Variants in RERE observed in about 807,000 individuals in gnomAD.
RERE encodes arginine-glutamic acid dipeptide repeats.
RERE carries 40 observed loss-of-function variants against 146.1 expected under a neutral mutation model. That is an observed-to-expected ratio of 0.27 (90% CI 0.21 to 0.36). The LOEUF (loss-of-function observed/expected upper bound fraction) is 0.36, where lower values mean the gene tolerates loss of function less well. Among genes scored for constraint, RERE ranks in the 10% least tolerant of loss-of-function variants. RERE has a pLI of 1.00. For synonymous variants in RERE, 1,003 were observed against 866.0 expected (o/e 1.16, Z -2.78); for missense variants, 1,933 against 2,138.7 (o/e 0.90, Z 1.90).
chr1:8,366,927 A>AC lies in RERE; in HGVS notation c.1285-954_1285-953insG, dbSNP rs1491507134. 1.9e-3 allele frequency among the ~76,000 whole-genome samples: 268 copies of AC among 144,354 alleles called. 4 individuals carry two copies. The highest frequency in any genetic ancestry group is 4.4e-3 in the African/African-American group (166 of 37,620). The allele number at this position is 144,354 out of a possible 152,430, so 94.7% of individuals were successfully genotyped here. A position where few individuals can be genotyped will look rare whatever the true frequency, so the allele number is the denominator to read the frequency against. On this transcript the variant is annotated intron_variant, in intron 12 of 22. Coordinates refer to ENST00000400908, the MANE Select transcript of RERE (RefSeq NM_001042681.2). ...CTGAAAAAAAAAAACAAAAAAAAAA[A>AC]ACAAAAAAAAAAAACCCAAAAAACA...
intron 7 of RERE, among the ~76,000 whole-genome samples, chr1:8,524,853 C>T (rs1645550795): frequency 6.6e-6 from 1 of 152,176 alleles, no homozygotes; most frequent in African/African-American, 2.4e-5. Context: ...GGCTATCAAG[C>T]AGTGGGTACG....
intron 8 of RERE, among the ~76,000 whole-genome samples, chr1:8,501,203 A>G (rs1313886951): frequency 3.5e-5 from 4 of 114,784 alleles, no homozygotes; most frequent in Non-Finnish European, 5.5e-5. Context: ...TCCGGGAGGG[A>G]GGTGGGGGGG....
chr1:8,356,363 G>T lies in RERE; in HGVS notation c.4340-117C>A. On this transcript the variant is annotated intron_variant, in intron 20 of 22. Coordinates refer to ENST00000400908, the MANE Select transcript of RERE (RefSeq NM_001042681.2). The surrounding 1 kb of genome is among the most constrained non-coding windows in gnomAD (Gnocchi z 5.2). The stretch of plus-strand genomic sequence containing the variant: ...CCCAGGATGGCTCCTGGTCACCAGG[G>T]CTGGATGCACCACCTGGCTACAGGT... 1.7e-6 allele frequency: 2 copies of T among 1,200,020 alleles called. No individual in the cohort carries two copies. Among genetic ancestry groups the T allele is most frequent in the Non-Finnish European group, 2.2e-6 (2 of 915,364 alleles). The allele number at this position is 1,200,020 out of a possible 1,614,324, so 74.3% of individuals were successfully genotyped here.
intron 12 of RERE, among the ~76,000 whole-genome samples, chr1:8,378,126 C>T (rs1642323294): frequency 6.6e-6 from 1 of 152,192 alleles, no homozygotes. Flanking sequence ...ACTGCATTAC[C>T]TTTAATAAAA....
intron 12 of RERE, among the ~76,000 whole-genome samples, chr1:8,418,080 C>T (rs978184163): frequency 2.0e-5 from 3 of 152,200 alleles, no homozygotes; most frequent in African/African-American, 7.2e-5. Context: ...CCAAGTATGG[C>T]AGGTATGTAA....
chr1:8,490,481 T>G (rs112055740), intron 10 of RERE, among the ~76,000 whole-genome samples: 5,002 of 150,594 alleles, frequency 0.033, 159 homozygotes, highest in Non-Finnish European at 0.052. Context: ...TAAAGACTCA[T>G]ACAACAATGT....
rs142385743 is a variant in RERE, at chr1:8,679,964, T to A, written c.-144-23523A>T. On this transcript the variant is annotated intron_variant, in intron 1 of 22. Coordinates refer to ENST00000400908, the MANE Select transcript of RERE (RefSeq NM_001042681.2). Reference sequence around the variant, plus strand: ...CCTTGCACAGGGATGTTTTATAAAATTCTCTAAAATTTAAACTACACACGT... The same window carrying A: ...CCTTGCACAGGGATGTTTTATAAAAATCTCTAAAATTTAAACTACACACGT... Among the ~76,000 whole-genome samples, 502 of 152,282 alleles carry A rather than the reference T, an allele frequency of 3.3e-3. 2 individuals carry two copies. The highest frequency in any genetic ancestry group is 0.011 in the African/African-American group (475 of 41,556).
At chr1:8,577,630 T>C (rs1350418144) in intron 4 of RERE, among the ~76,000 whole-genome samples, 1 of 152,226 alleles carries the variant, frequency 6.6e-6, no homozygotes, top group Non-Finnish European at 1.5e-5. Context: ...TCACAATGTT[T>C]CTGAAAGTGA....
Position 8,361,262 on chromosome 1 carries a change from G to C in RERE, c.2245C>G (p.Pro749Ala). The C allele has an allele frequency of 6.3e-7, 1 of 1,583,868 alleles. No individual in the cohort carries two copies. The highest frequency in any genetic ancestry group is 8.6e-7 in the Non-Finnish European group (1 of 1,166,284). The change falls in exon 18 of 23, where the codon CCA becomes GCA. Residue 749 changes from proline (P) to alanine (A), a missense_variant. By Grantham distance (27) the Pro-to-Ala change is conservative (BLOSUM62 -1). Transcript: ENST00000400908. ...CCTGGAGGAGCTGAGGAGGGAGCTG[G>C]GGTGACCCCAGTGGGAGCCTGCAAG... ...PALQAPTGVT[P>A]APSSAPPGTP...
chr1:8,438,126 A>G (rs1644196063), intron 11 of RERE, among the ~76,000 whole-genome samples: 1 of 152,166 alleles, frequency 6.6e-6, no homozygotes, highest in Non-Finnish European at 1.5e-5. Context: ...GACTACAGGT[A>G]TGTGTCAGTT....
chr1:8,500,409 T>C (rs561846427), intron 8 of RERE, among the ~76,000 whole-genome samples: 13 of 152,354 alleles, frequency 8.5e-5, no homozygotes, highest in Middle Eastern at 3.4e-3. Flanking sequence ...GACGGGGTTT[T>C]GCTGTGTTGG....
intron 11 of RERE, among the ~76,000 whole-genome samples, chr1:8,426,219 C>G (rs1644010094): frequency 6.6e-6 from 1 of 152,130 alleles, no homozygotes; most frequent in African/African-American, 2.4e-5. Context: ...CTTTGGGAGG[C>G]TGAGGCGGGC....
chr1:8,548,573 T>C (rs1229153439), intron 6 of RERE, among the ~76,000 whole-genome samples: 2 of 152,206 alleles, frequency 1.3e-5, no homozygotes, highest in African/African-American at 2.4e-5. Context: ...TTACAAATTC[T>C]GAAACTAAGT....
At chr1:8,590,698 C>T (rs886280596) in intron 4 of RERE, 1 of 152,190 alleles carries the variant, frequency 6.6e-6, no homozygotes, top group Non-Finnish European at 1.5e-5. Context: ...AATTAGTCCA[C>T]ACTTACGAAA....
chr1:8,765,964 T>A (rs1640837985), intron 1 of RERE, among the ~76,000 whole-genome samples: 1 of 147,044 alleles, frequency 6.8e-6, no homozygotes, highest in Admixed American at 6.8e-5. Context: ...AAAAAAAAAA[T>A]TAGCCGAGTG....
At position 8,546,006 on chromosome 1, in the gene RERE, T is replaced by G. The variant is rs1040443125; in HGVS notation, c.726-4688A>C. Among the ~76,000 whole-genome samples, 47 of 127,776 alleles carry G rather than the reference T, an allele frequency of 3.7e-4. No homozygotes were observed. In the South Asian group the frequency reaches 0.012, roughly 31 times the overall value. 83.8% of individuals were successfully genotyped at this position (127,776 alleles called of 152,430 possible). A position where few individuals can be genotyped will look rare whatever the true frequency, so the allele number is the denominator to read the frequency against. On this transcript the variant is annotated intron_variant, in intron 6 of 22. Transcript: ENST00000400908. ...TCTTTTTTTTTTTTTTTTTTTTTTT[T>G]TGAGATAGGGTCTCCCTCTGTCACT... is the stretch of plus-strand genomic sequence containing the variant.
At chr1:8,774,999 T>C (rs1641038028) in intron 1 of RERE, among the ~76,000 whole-genome samples, 1 of 127,646 alleles carries the variant, frequency 7.8e-6, no homozygotes, top group Admixed American at 1.0e-4. Flanking sequence ...TCTCACTCTG[T>C]CACCAGGCTG....
intron 10 of RERE, among the ~76,000 whole-genome samples, chr1:8,474,200 T>G (rs191770760): frequency 2.6e-5 from 4 of 152,338 alleles, no homozygotes; most frequent in Admixed American, 2.6e-4. Context: ...TGATTGAACT[T>G]CTCATGGATT....
At chr1:8,602,661 C>G (rs1026900925) in intron 4 of RERE, among the ~76,000 whole-genome samples, 1 of 152,026 alleles carries the variant, frequency 6.6e-6, no homozygotes, top group African/African-American at 2.4e-5. Context: ...GAGAGACACC[C>G]AACAGTCACT....
Sources: gnomAD v4.1 joint callset for allele counts (sites outside exome capture counted in the v4.1 genomes callset) on GRCh38, gnomAD v4.1.1 for gene constraint, Gnocchi (gnomAD v3.1) non-coding constraint, MANE v1.5 for transcripts, NCBI Gene and HGNC (gene_info 2026-07-23, HGNC 2026-07-21) for gene names.